The following CSNK1G1 variants were observed in gnomAD, a reference collection of about 807,000 sequenced individuals.
CSNK1G1 encodes casein kinase 1 gamma 1, also known as casein kinase I isoform gamma-1.
CSNK1G1 carries 22 observed loss-of-function variants against 59.6 expected under a neutral mutation model. The ratio of observed to expected loss-of-function variants is 0.37; its 90% confidence interval spans 0.26 to 0.53. The LOEUF (loss-of-function observed/expected upper bound fraction) is 0.53. CSNK1G1 is among the 20% of genes least tolerant of loss of function. CSNK1G1 has a pLI of 0.89. For missense variants in CSNK1G1, 384 were observed against 519.5 expected (o/e 0.74, Z 2.54); for synonymous variants, 179 against 177.1 (o/e 1.01, Z -0.08).
intron 2 of CSNK1G1, among the ~76,000 whole-genome samples, chr15:64,295,111 G>A (rs1894950538): frequency 6.6e-6 from 1 of 152,014 alleles, no homozygotes. Flanking sequence ...AACTTTCTAA[G>A]TCTCAGATAT....
chr15:64,336,768 T>A (rs1335703649), intron 1 of CSNK1G1, among the ~76,000 whole-genome samples: 1 of 152,148 alleles, frequency 6.6e-6, no homozygotes, highest in East Asian at 1.9e-4. Flanking sequence ...TTAGTCACGA[T>A]TCTATGGAAA....
chr15:64,285,438 T>A (rs946843703), intron 2 of CSNK1G1, among the ~76,000 whole-genome samples: 1 of 152,140 alleles, frequency 6.6e-6, no homozygotes, highest in African/African-American at 2.4e-5. Context: ...CTGTCTATAG[T>A]CTAGATGTTC....
intron 2 of CSNK1G1, among the ~76,000 whole-genome samples, chr15:64,281,992 G>A (rs779092920): frequency 1.3e-5 from 2 of 151,390 alleles, no homozygotes; most frequent in Non-Finnish European, 2.9e-5. Flanking sequence ...CGCAATCTAG[G>A]CTCAGCGCAG....
rs548032249 is a variant in CSNK1G1 at position 64,169,822 on chromosome 15, T to G, written c.*2109A>C. 2.0e-5 allele frequency: 3 copies of G among 152,362 alleles called. No homozygotes were observed. The highest frequency in any genetic ancestry group is 4.1e-4 in the South Asian group (2 of 4,832). The allele number at this position is 152,362 out of a possible 1,614,324, so 9.4% of individuals were successfully genotyped here. A position where few individuals can be genotyped will look rare whatever the true frequency, so the allele number is the denominator to read the frequency against. On this transcript the variant is annotated 3_prime_UTR_variant, in exon 12 of 12. Transcript: ENST00000303052. ...CTTTTCATAAGCTAAGCAGGTTTGA[T>G]GCCAGTGAAATGATATTCCCTAGCC...
chr15:64,253,447 C>T (rs907248181), intron 3 of CSNK1G1, among the ~76,000 whole-genome samples: 4 of 152,134 alleles, frequency 2.6e-5, no homozygotes, highest in Non-Finnish European at 4.4e-5. Flanking sequence ...TGTGGAGAAA[C>T]TGGAACCCTT....
chr15:64,280,745 C>G (rs374672142), intron 2 of CSNK1G1, among the ~76,000 whole-genome samples: 22 of 152,232 alleles, frequency 1.4e-4, no homozygotes, highest in African/African-American at 5.3e-4. Flanking sequence ...GCTAAGCATT[C>G]AGAAACAGCC....
intron 2 of CSNK1G1, among the ~76,000 whole-genome samples, chr15:64,267,559 A>G (rs1322024911): frequency 6.6e-6 from 1 of 152,164 alleles, no homozygotes; most frequent in African/African-American, 2.4e-5. Context: ...TACATGACAA[A>G]ATGTTCAACA....
rs138979553 is a variant in CSNK1G1, at chr15:64,322,545, T to C, written c.-224-21822A>G. Reference sequence around the variant, plus strand: ...CTCATTTAGTACAGGCCAGGCATGGTGGCTCATGCCTGTAATCCCAGCACT... The same window carrying C: ...CTCATTTAGTACAGGCCAGGCATGGCGGCTCATGCCTGTAATCCCAGCACT... On this transcript the variant is annotated intron_variant, in intron 1 of 11. Transcript: ENST00000303052. Among the ~76,000 whole-genome samples the C allele has an allele frequency of 6.6e-3, 1,001 of 152,142 alleles. 12 individuals carry two copies. The highest frequency in any genetic ancestry group is 0.019 in the African/African-American group (798 of 41,586).
chr15:64,276,923 G>A (rs1332357967), intron 2 of CSNK1G1, among the ~76,000 whole-genome samples: 10 of 150,080 alleles, frequency 6.7e-5, no homozygotes, highest in Non-Finnish European at 3.0e-5. Flanking sequence ...CTCCAGCCTG[G>A]GTGACAGAGC....
chr15:64,346,888 GAAAAAATATTTGC>G (rs1898008919), intron 1 of CSNK1G1, among the ~76,000 whole-genome samples: 1 of 152,042 alleles, frequency 6.6e-6, no homozygotes, highest in Admixed American at 6.6e-5. Flanking sequence ...CCATAGACTG[GAAAAAATATTTGC>G]AAAAAATATA....
intron 1 of CSNK1G1, among the ~76,000 whole-genome samples, chr15:64,319,539 C>T (rs1158082348): frequency 6.6e-6 from 1 of 151,402 alleles, no homozygotes; most frequent in African/African-American, 2.4e-5. Flanking sequence ...TATTTCAGTT[C>T]GTTGAATTTG....
At chr15:64,322,355 T>C (rs1387678918) in intron 1 of CSNK1G1, among the ~76,000 whole-genome samples, 1 of 152,102 alleles carries the variant, frequency 6.6e-6, no homozygotes, top group East Asian at 2.0e-4. Context: ...CTCTCTCTTT[T>C]TTTTTTAAAT....
intron 11 of CSNK1G1, among the ~76,000 whole-genome samples, chr15:64,177,955 C>T (rs972562937): frequency 1.3e-5 from 2 of 152,160 alleles, no homozygotes; most frequent in Admixed American, 6.5e-5. Context: ...CAGGTACGGC[C>T]ATCCTTCAAG....
intron 1 of CSNK1G1, among the ~76,000 whole-genome samples, chr15:64,305,695 C>CAAAAAA (rs1197333533): frequency 2.8e-4 from 16 of 56,478 alleles, no homozygotes; most frequent in African/African-American, 4.1e-4. Flanking sequence ...ACCCTGTCTC[C>CAAAAAA]AAAAAAAAAA....
Position 64,168,074 on chromosome 15 carries a change from T to A in CSNK1G1, c.*3857A>T, listed in dbSNP as rs1245104243. 1 of 152,578 alleles carries A rather than the reference T, an allele frequency of 6.6e-6. No homozygotes were observed. Among genetic ancestry groups the A allele is most frequent in the African/African-American group, 2.4e-5 (1 of 41,468 alleles). The allele number at this position is 152,578 out of a possible 1,614,324, so 9.5% of individuals were successfully genotyped here. A position where few individuals can be genotyped will look rare whatever the true frequency, so the allele number is the denominator to read the frequency against. On this transcript the variant is annotated 3_prime_UTR_variant, in exon 12 of 12. Coordinates refer to ENST00000303052, the MANE Select transcript of CSNK1G1 (RefSeq NM_022048.5). ...CTTTAGGGGTGATGGTCACCTTTTC[T>A]GGCTGATGGACAGGGACTGTTTTCT...
intron 2 of CSNK1G1, among the ~76,000 whole-genome samples, chr15:64,297,936 A>G (rs1895117946): frequency 1.3e-5 from 2 of 152,330 alleles, no homozygotes; most frequent in South Asian, 4.1e-4. Flanking sequence ...ATGCCAGATA[A>G]TTCTGAAAGT....
At chr15:64,190,297 T>C (rs7180521) in intron 10 of CSNK1G1, among the ~76,000 whole-genome samples, 11,695 of 152,252 alleles carry the variant, frequency 0.077, 1,403 homozygotes, top group African/African-American at 0.26. Flanking sequence ...CTGCTAGTTA[T>C]GTTAGAGAGA....
chr15:64,286,918 T>C (rs1223861219), intron 2 of CSNK1G1, among the ~76,000 whole-genome samples: 1 of 152,322 alleles, frequency 6.6e-6, no homozygotes, highest in South Asian at 2.1e-4. Flanking sequence ...AACTAGATGG[T>C]GTCACTTAAA....
chr15:64,303,046 G>A (rs1272923304), intron 1 of CSNK1G1, among the ~76,000 whole-genome samples: 2 of 151,770 alleles, frequency 1.3e-5, no homozygotes, highest in African/African-American at 4.8e-5. Context: ...TGTATTAGAA[G>A]AACACACAGT....
Sources: gnomAD v4.1 joint callset for allele counts (sites outside exome capture counted in the v4.1 genomes callset) on GRCh38, gnomAD v4.1.1 for gene constraint, MANE v1.5 for transcripts, NCBI Gene and HGNC (gene_info 2026-07-23, HGNC 2026-07-21) for gene names.